Variants in HECW2 observed in about 807,000 individuals in gnomAD.
The protein encoded by HECW2 is HECT, C2 and WW domain containing E3 ubiquitin protein ligase 2.
HECW2 carries 61 observed loss-of-function variants against 175.2 expected under a neutral mutation model. That is an observed-to-expected ratio of 0.35 (90% CI 0.28 to 0.43). HECW2 has a LOEUF of 0.43. Among genes scored for constraint, HECW2 ranks in the 20% least tolerant of loss-of-function variants. HECW2 has a pLI of 1.00. For synonymous variants in HECW2, 671 were observed against 731.0 expected, an observed-to-expected ratio of 0.92 and a Z score of 1.32; for missense variants, 1,524 against 2,000.5, an observed-to-expected ratio of 0.76 and a Z score of 4.54.
rs772410815 is a variant in HECW2 at position 196,458,623 on chromosome 2, T to C, written c.-35-25165A>G. Among the ~76,000 whole-genome samples the C allele has an allele frequency of 2.0e-5, 3 of 152,014 alleles. No individual in the cohort carries two copies. The South Asian group carries it at 6.2e-4, about 32-fold the overall frequency. On this transcript the variant is annotated intron_variant, in intron 1 of 28. Coordinates refer to ENST00000644978, the MANE Select transcript of HECW2 (RefSeq NM_001348768.2). ...TGGCTCACACCTGTAATCCCAGCAC[T>C]TTGGGAGCCCGAGGCGGGTGGATCA...
At chr2:196,416,960 T>C (rs1013571269) in intron 2 of HECW2, among the ~76,000 whole-genome samples, 19 of 152,324 alleles carry the variant, frequency 1.2e-4, no homozygotes, top group African/African-American at 3.6e-4. Context: ...AAAAATCACC[T>C]TCAGGAAGTG....
intron 2 of HECW2, among the ~76,000 whole-genome samples, chr2:196,412,077 T>C (rs1695127632): frequency 6.6e-6 from 1 of 152,120 alleles, no homozygotes; most frequent in Admixed American, 6.5e-5. Flanking sequence ...CAGTTTAAGG[T>C]TCATTATTTA....
intron 4 of HECW2, among the ~76,000 whole-genome samples, chr2:196,331,473 T>C (rs1378958997): frequency 6.6e-6 from 1 of 152,180 alleles, no homozygotes; most frequent in Non-Finnish European, 1.5e-5. Context: ...TCTCTGCAAA[T>C]GGGCCACACG....
chr2:196,287,361 A>G (rs755079815), intron 14 of HECW2, among the ~76,000 whole-genome samples: 2 of 152,172 alleles, frequency 1.3e-5, no homozygotes, highest in Non-Finnish European at 2.9e-5. Flanking sequence ...GTATATTTTT[A>G]TTTTTTAAAA....
At chr2:196,373,142 CT>C (rs1693953030) in intron 2 of HECW2, among the ~76,000 whole-genome samples, 1 of 152,214 alleles carries the variant, frequency 6.6e-6, no homozygotes, top group Admixed American at 6.5e-5. Context: ...AATTTTCTCA[CT>C]CTGACAAGTA....
At position 196,318,591 on chromosome 2, in the gene HECW2, A is replaced by C. The variant is rs1452539627; in HGVS notation, c.2299T>G (p.Cys767Gly). The C allele has an allele frequency of 5.8e-6, 9 of 1,538,714 alleles. No individual in the cohort carries two copies. The highest frequency in any genetic ancestry group is 1.4e-5 in the African/African-American group (1 of 72,528). Reference sequence around the variant, plus strand: ...TCCTCCTGGGCAGTTGCCCCTTCACAGGTGCCTTGGGCCTCCCCAGCACTG... The same window carrying C: ...TCCTCCTGGGCAGTTGCCCCTTCACCGGTGCCTTGGGCCTCCCCAGCACTG... ...EGSAGEAQGT[C>G]EGATAQEEGA... Residue 767 changes from cysteine to glycine, a missense_variant, in exon 9 of 29, where the codon TGT (cysteine) becomes GGT (glycine). By Grantham distance (159) the Cys-to-Gly change is radical (BLOSUM62 -3). Transcript: ENST00000644978.
Position 196,514,682 on chromosome 2 carries a change from C to G in HECW2, c.-36+78826G>C, listed in dbSNP as rs528375250. On this transcript the variant is annotated intron_variant, in intron 1 of 28. Transcript: ENST00000644978. ...CTTGGGCAGATGATGGAACAACCCCCCTGAGGACAGGAGCTACCGACTCTG... is the reference window on the plus strand; with the variant it reads ...CTTGGGCAGATGATGGAACAACCCCGCTGAGGACAGGAGCTACCGACTCTG... 1.1e-3 allele frequency among the ~76,000 whole-genome samples: 175 copies of G among 152,312 alleles called. 1 individual carries two copies. Among genetic ancestry groups the G allele is most frequent in the South Asian group, 2.1e-3 (10 of 4,826 alleles).
chr2:196,518,233 A>C (rs893594924), intron 1 of HECW2, among the ~76,000 whole-genome samples: 1 of 152,146 alleles, frequency 6.6e-6, no homozygotes, highest in African/African-American at 2.4e-5. Flanking sequence ...TAATAGAAAA[A>C]CAATGCAAAA....
At chr2:196,224,914 A>G (rs1687796343) in intron 23 of HECW2, among the ~76,000 whole-genome samples, 1 of 152,242 alleles carries the variant, frequency 6.6e-6, no homozygotes, top group Admixed American at 6.5e-5. Context: ...AGAAGAAGGC[A>G]AAAGTCTTTC....
At chr2:196,485,326 T>G (rs1686964960) in intron 1 of HECW2, among the ~76,000 whole-genome samples, 1 of 152,306 alleles carries the variant, frequency 6.6e-6, no homozygotes, top group East Asian at 1.9e-4. Flanking sequence ...CAAAACATGG[T>G]AGAACATTGT....
intron 2 of HECW2, among the ~76,000 whole-genome samples, chr2:196,373,040 C>T (rs1464552805): frequency 6.6e-6 from 1 of 152,172 alleles, no homozygotes; most frequent in Non-Finnish European, 1.5e-5. Flanking sequence ...GCAGAGTCCA[C>T]GCTTGCTGCA....
chr2:196,428,284 T>G (rs971371625), intron 2 of HECW2, among the ~76,000 whole-genome samples: 1 of 152,174 alleles, frequency 6.6e-6, no homozygotes, highest in African/African-American at 2.4e-5. Flanking sequence ...AGAGGCTGCT[T>G]CCTACCAAAA....
chr2:196,537,924 T>G (rs1167411458), intron 1 of HECW2, among the ~76,000 whole-genome samples: 1 of 152,216 alleles, frequency 6.6e-6, no homozygotes, highest in African/African-American at 2.4e-5. Context: ...CCTCCTACTC[T>G]GTCTGTGGAG....
intron 1 of HECW2, among the ~76,000 whole-genome samples, chr2:196,585,662 AAAG>A (rs150627171): frequency 2.0e-5 from 3 of 152,246 alleles, no homozygotes; most frequent in African/African-American, 4.8e-5. Flanking sequence ...TCAATGGCTT[AAAG>A]AAGGAGAGAA....
chr2:196,558,879 A>T (rs1044348601), intron 1 of HECW2, among the ~76,000 whole-genome samples: 1 of 152,240 alleles, frequency 6.6e-6, no homozygotes, highest in Non-Finnish European at 1.5e-5. Flanking sequence ...GCAGGCATTT[A>T]AAAAAACCTG....
chr2:196,420,587 C>A (rs573920665), intron 2 of HECW2, among the ~76,000 whole-genome samples: 4 of 152,284 alleles, frequency 2.6e-5, no homozygotes, highest in African/African-American at 9.6e-5. Context: ...AAAATATATT[C>A]TTTGGTTTGG....
At chr2:196,304,364 A>G (rs139095878) in intron 13 of HECW2, among the ~76,000 whole-genome samples, 60 of 152,298 alleles carry the variant, frequency 3.9e-4, no homozygotes, top group African/African-American at 1.3e-3. Flanking sequence ...AGATTAAAAA[A>G]TAAAATAAAA....
At chr2:196,356,979 G>C (rs975811751) in intron 2 of HECW2, among the ~76,000 whole-genome samples, 4 of 152,150 alleles carry the variant, frequency 2.6e-5, no homozygotes, top group Non-Finnish European at 1.5e-5. Context: ...CAGTGACCAT[G>C]CTCCTCAACA....
At chr2:196,511,049 T>C (rs1196956526) in intron 1 of HECW2, among the ~76,000 whole-genome samples, 1 of 152,130 alleles carries the variant, frequency 6.6e-6, no homozygotes, top group Non-Finnish European at 1.5e-5. Flanking sequence ...CACAGCAACC[T>C]CTGCCTCCCA....
Sources: gnomAD v4.1 joint callset for allele counts (sites outside exome capture counted in the v4.1 genomes callset) on GRCh38, gnomAD v4.1.1 for gene constraint, MANE v1.5 for transcripts, NCBI Gene and HGNC (gene_info 2026-07-23, HGNC 2026-07-21) for gene names.